NAALADL2: variants seen among roughly 807,000 people sequenced by gnomAD.
The protein encoded by NAALADL2 is N-acetylated alpha-linked acidic dipeptidase like 2.
NAALADL2 carries 76 observed loss-of-function variants against 87.2 expected under a neutral mutation model. That is an observed-to-expected ratio of 0.87 (90% CI 0.72 to 1.05). NAALADL2 has a LOEUF of 1.05. Among genes scored for constraint, NAALADL2 ranks in the 50% least tolerant of loss-of-function variants. The pLI, the probability that NAALADL2 is intolerant of heterozygous loss-of-function variation, is 0.00. For synonymous variants in NAALADL2, 354 were observed against 331.0 expected, an observed-to-expected ratio of 1.07 and a Z score of -0.75; for missense variants, 1,089 against 945.8, an observed-to-expected ratio of 1.15 and a Z score of -1.99.
intron 2 of NAALADL2, among the ~76,000 whole-genome samples, chr3:174,708,835 G>A (rs545401541): frequency 6.6e-6 from 1 of 152,116 alleles, no homozygotes. Flanking sequence ...AAATATTGAA[G>A]AGGAAAGGAA....
intron 2 of NAALADL2, among the ~76,000 whole-genome samples, chr3:175,140,719 C>T (rs1729864605): frequency 6.6e-6 from 1 of 151,992 alleles, no homozygotes; most frequent in Admixed American, 6.6e-5. Flanking sequence ...ACAGGGTCCT[C>T]GCTACAAAAG....
At chr3:174,807,176 A>T (rs1179083304) in intron 3 of NAALADL2, among the ~76,000 whole-genome samples, 3 of 152,114 alleles carry the variant, frequency 2.0e-5, no homozygotes, top group Non-Finnish European at 4.4e-5. Flanking sequence ...TAATTGAATA[A>T]CAGTCTCTTA....
chr3:174,520,892 G>A (rs778746813), intron 1 of NAALADL2, among the ~76,000 whole-genome samples: 3 of 151,972 alleles, frequency 2.0e-5, no homozygotes, highest in Non-Finnish European at 4.4e-5. Flanking sequence ...GGACATACAA[G>A]CAGCCAAGAA....
At chr3:174,664,360 T>G (rs1410779600) in intron 2 of NAALADL2, among the ~76,000 whole-genome samples, 1 of 152,220 alleles carries the variant, frequency 6.6e-6, no homozygotes, top group Non-Finnish European at 1.5e-5. Context: ...AGATTGGGGC[T>G]AAACAAATAG....
At chr3:174,894,557 G>T (rs1411536972) in intron 1 of NAALADL2, among the ~76,000 whole-genome samples, 2 of 126,954 alleles carry the variant, frequency 1.6e-5, no homozygotes, top group Non-Finnish European at 3.1e-5. Context: ...TCATGCCACT[G>T]CACTCCAGCC....
At chr3:175,774,898 G>A (rs561454650) in intron 13 of NAALADL2, 1 of 151,958 alleles carries the variant, frequency 6.6e-6, no homozygotes, top group South Asian at 2.1e-4. Context: ...TTTTTATGTA[G>A]TTTAATGTAC....
chr3:174,501,167 C>T (rs1167368037), intron 1 of NAALADL2, among the ~76,000 whole-genome samples: 3 of 137,624 alleles, frequency 2.2e-5, no homozygotes, highest in African/African-American at 9.6e-5. Context: ...CAAGCTCCGC[C>T]TCCCGGGTTC....
intron 2 of NAALADL2, among the ~76,000 whole-genome samples, chr3:175,105,504 T>C (rs1722947243): frequency 6.7e-6 from 1 of 150,302 alleles, no homozygotes; most frequent in African/African-American, 2.4e-5. Flanking sequence ...TGTGTGTATA[T>C]TTATATATAA....
At chr3:175,068,930 A>G in intron 1 of NAALADL2, among the ~76,000 whole-genome samples, 1 of 152,156 alleles carries the variant, frequency 6.6e-6, no homozygotes, top group East Asian at 1.9e-4. Context: ...TATGTTGGTT[A>G]AATTCCCCAT....
chr3:174,473,766 G>C (rs1577982950), intron 1 of NAALADL2, among the ~76,000 whole-genome samples: 1 of 152,066 alleles, frequency 6.6e-6, no homozygotes, highest in African/African-American at 2.4e-5. Flanking sequence ...TTGATTAGAT[G>C]TTATTTGAAA....
intron 9 of NAALADL2, among the ~76,000 whole-genome samples, chr3:175,544,425 G>T (rs1712935389): frequency 6.6e-6 from 1 of 152,124 alleles, no homozygotes; most frequent in South Asian, 2.1e-4. Flanking sequence ...TCGGTTTTGA[G>T]TCCTGATTGT....
At chr3:175,571,398 T>G (rs1002685442) in intron 9 of NAALADL2, among the ~76,000 whole-genome samples, 1 of 152,202 alleles carries the variant, frequency 6.6e-6, no homozygotes. Context: ...GATGAAATTC[T>G]TAACATGAAT....
chr3:175,179,378 A>G (rs1458941536), intron 2 of NAALADL2, among the ~76,000 whole-genome samples: 1 of 151,938 alleles, frequency 6.6e-6, no homozygotes, highest in Non-Finnish European at 1.5e-5. Context: ...TAGAGACAGG[A>G]TAGAGAGGGA....
At chr3:175,637,354 T>G (rs1372372542) in intron 11 of NAALADL2, among the ~76,000 whole-genome samples, 1 of 152,236 alleles carries the variant, frequency 6.6e-6, no homozygotes, top group Non-Finnish European at 1.5e-5. Flanking sequence ...TTGTCATACA[T>G]AGACAAAAGC....
intron 11 of NAALADL2, among the ~76,000 whole-genome samples, chr3:175,671,016 C>T (rs552286511): frequency 6.6e-6 from 1 of 151,268 alleles, no homozygotes; most frequent in African/African-American, 2.4e-5. Context: ...TAATAATAAG[C>T]AAAAAAGCGA....
chr3:175,497,496 C>T (rs1382230953), intron 9 of NAALADL2, among the ~76,000 whole-genome samples: 1 of 152,070 alleles, frequency 6.6e-6, no homozygotes, highest in East Asian at 1.9e-4. Context: ...TATAAAATTT[C>T]AATTTATACC....
At chr3:175,280,995 G>A (rs1581242584) in intron 4 of NAALADL2, among the ~76,000 whole-genome samples, 1 of 151,718 alleles carries the variant, frequency 6.6e-6, no homozygotes, top group Admixed American at 6.6e-5. Flanking sequence ...TCTTCCATTA[G>A]AATCTGCATT....
intron 1 of NAALADL2, among the ~76,000 whole-genome samples, chr3:174,934,012 A>T (rs555140467): frequency 1.3e-5 from 2 of 152,220 alleles, no homozygotes; most frequent in Non-Finnish European, 2.9e-5. Context: ...ATAAATATAC[A>T]TATTAAGGAT....
At chr3:174,884,212 C>G (rs1729780129) in intron 1 of NAALADL2, among the ~76,000 whole-genome samples, 1 of 152,176 alleles carries the variant, frequency 6.6e-6, no homozygotes, top group Non-Finnish European at 1.5e-5. Flanking sequence ...ATGAGTGGTG[C>G]CACTTCCACT....
Sources: gnomAD v4.1 joint callset for allele counts (sites outside exome capture counted in the v4.1 genomes callset) on GRCh38, gnomAD v4.1.1 for gene constraint, MANE v1.5 for transcripts, NCBI Gene and HGNC (gene_info 2026-07-23, HGNC 2026-07-21) for gene names.